The following MAGI1 variants were observed in gnomAD, a reference collection of about 807,000 sequenced individuals.
The protein encoded by MAGI1 is membrane associated guanylate kinase, WW and PDZ domain containing 1.
MAGI1 carries 58 observed loss-of-function variants against 139.9 expected under a neutral mutation model. The ratio of observed to expected loss-of-function variants is 0.41; its 90% CI spans 0.34 to 0.52. The LOEUF is 0.52. Among genes scored for constraint, MAGI1 ranks in the 20% least tolerant of loss-of-function variants. MAGI1 has a pLI of 0.12. For missense variants in MAGI1, 1,874 were observed against 1,901.6 expected (o/e 0.99, Z 0.27); for synonymous variants, 812 against 737.9 (o/e 1.10, Z -1.63).
intron 2 of MAGI1, among the ~76,000 whole-genome samples, chr3:65,620,988 A>G (rs1289746879): frequency 6.6e-6 from 1 of 151,364 alleles, no homozygotes; most frequent in Non-Finnish European, 1.5e-5. Context: ...ATCAGAAAAC[A>G]TTAGCACTCT....
chr3:65,712,790 C>T (rs528238218), intron 1 of MAGI1, among the ~76,000 whole-genome samples: 1 of 152,278 alleles, frequency 6.6e-6, no homozygotes, highest in East Asian at 1.9e-4. Context: ...TGTTTCAAGT[C>T]ACTATGTTTT....
chr3:65,742,239 A>G (rs2035335843), intron 1 of MAGI1, among the ~76,000 whole-genome samples: 1 of 152,190 alleles, frequency 6.6e-6, no homozygotes, highest in Non-Finnish European at 1.5e-5. Flanking sequence ...CTTTCAATGA[A>G]TCAGGTTCCC....
intron 1 of MAGI1, among the ~76,000 whole-genome samples, chr3:65,702,445 A>T (rs1335939203): frequency 6.6e-6 from 1 of 151,908 alleles, no homozygotes; most frequent in East Asian, 1.9e-4. Context: ...CAGAGGTGAC[A>T]CACACGACAG....
At chr3:65,965,944 C>T (rs1177955974) in intron 1 of MAGI1, among the ~76,000 whole-genome samples, 1 of 152,174 alleles carries the variant, frequency 6.6e-6, no homozygotes, top group Non-Finnish European at 1.5e-5. Flanking sequence ...TGAGCCATCA[C>T]GCCCCACCAG....
At chr3:65,663,215 T>C (rs777792371) in intron 1 of MAGI1, among the ~76,000 whole-genome samples, 3 of 152,260 alleles carry the variant, frequency 2.0e-5, no homozygotes, top group African/African-American at 7.2e-5. Context: ...ATGTTGGTTA[T>C]CTGTGCTTCT....
intron 12 of MAGI1, 111 bp downstream of exon 12, chr3:65,429,409 G>A (rs1410838322): frequency 8.5e-7 from 1 of 1,172,102 alleles, no homozygotes; most frequent in Non-Finnish European, 1.2e-6. Context: ...TAGGCATTTT[G>A]AAACATTTAA....
At chr3:65,980,742 G>A (rs1033200004) in intron 1 of MAGI1, among the ~76,000 whole-genome samples, 1 of 152,140 alleles carries the variant, frequency 6.6e-6, no homozygotes, top group Non-Finnish European at 1.5e-5. Flanking sequence ...TGGAATGCTC[G>A]CTTATTAGTG....
At chr3:65,956,712 T>A (rs1485812058) in intron 1 of MAGI1, among the ~76,000 whole-genome samples, 1 of 152,086 alleles carries the variant, frequency 6.6e-6, no homozygotes, top group African/African-American at 2.4e-5. Context: ...AATTACCTAT[T>A]GAAGGCAGGG....
rs775668792 is a variant in MAGI1 at position 65,622,005 on chromosome 3, T to C, written c.397A>G (p.Ile133Val). The C allele has an allele frequency of 1.9e-5, 31 of 1,613,680 alleles. No individual in the cohort carries two copies. Among genetic ancestry groups the C allele is most frequent in the Non-Finnish European group, 2.5e-5 (29 of 1,179,818 alleles). The change falls in exon 2 of 23, where the codon ATA becomes GTA. Residue 133 changes from isoleucine (I) to valine (V), a missense_variant. Physicochemically the swap from Ile to Val is conservative, Grantham distance 29. Around this residue, in one of 5 missense-constraint regions of MAGI1, gnomAD observed 648 missense variants for 598.1 expected, o/e 1.08. Coordinates refer to ENST00000402939, the MANE Select transcript of MAGI1 (RefSeq NM_001033057.2). ...GSPDHELQQT[I>V]RDNLYRHAVP... ...GCATGGCGGTAAAGGTTATCCCTTA[T>C]GGTCTGCTGGAGCTCATGATCAGGA...
intron 1 of MAGI1, among the ~76,000 whole-genome samples, chr3:66,007,941 G>A (rs950314373): frequency 2.9e-5 from 4 of 138,980 alleles, no homozygotes; most frequent in African/African-American, 1.1e-4. Context: ...CTGTCACCCT[G>A]GTTGGAATAC....
chr3:65,802,848 C>CTGTGTGTGTGTGTGTGTGTG (rs55814110), intron 1 of MAGI1, among the ~76,000 whole-genome samples: 16 of 138,220 alleles, frequency 1.2e-4, no homozygotes, highest in South Asian at 5.2e-4. Flanking sequence ...ATCATCTCAT[C>CTGTGTGTGTGTGTGTGTGTG]TGTGTGTGTG....
intron 1 of MAGI1, among the ~76,000 whole-genome samples, chr3:66,020,943 T>C (rs973021047): frequency 1.3e-5 from 2 of 152,044 alleles, no homozygotes; most frequent in African/African-American, 4.8e-5. Flanking sequence ...CATCGGTAAA[T>C]GTACCGATTA....
intron 1 of MAGI1, among the ~76,000 whole-genome samples, chr3:65,694,781 A>T (rs1576768607): frequency 6.6e-6 from 1 of 152,260 alleles, no homozygotes; most frequent in Non-Finnish European, 1.5e-5. Flanking sequence ...ATTTACTAAA[A>T]GGCAGAAATC....
intron 12 of MAGI1, among the ~76,000 whole-genome samples, chr3:65,412,396 T>C (rs1006062239): frequency 6.6e-6 from 1 of 152,224 alleles, no homozygotes; most frequent in Non-Finnish European, 1.5e-5. Context: ...TGACCCACTT[T>C]ATTCACACAA....
At chr3:65,542,272 A>ACACAAACAAATGGAAAAACATTCCATGCT (rs2079269974) in intron 2 of MAGI1, among the ~76,000 whole-genome samples, 2 of 152,238 alleles carry the variant, frequency 1.3e-5, no homozygotes, top group Non-Finnish European at 2.9e-5. Flanking sequence ...ATAAGTCAGG[A>ACACAAACAAATGGAAAAACATTCCATGCT]CACAAACAAA....
intron 1 of MAGI1, among the ~76,000 whole-genome samples, chr3:65,788,868 C>T (rs1370437612): frequency 2.0e-5 from 3 of 152,036 alleles, no homozygotes; most frequent in South Asian, 2.1e-4. Flanking sequence ...GCTCACACAA[C>T]AAACAAAAAA....
intron 1 of MAGI1, among the ~76,000 whole-genome samples, chr3:65,871,403 C>T (rs2059934889): frequency 6.6e-6 from 1 of 152,150 alleles, no homozygotes; most frequent in Non-Finnish European, 1.5e-5. Flanking sequence ...TGACTTGCTC[C>T]AGGATTGGGA....
chr3:65,457,482 A>C (rs992019733), intron 5 of MAGI1, among the ~76,000 whole-genome samples: 4 of 152,152 alleles, frequency 2.6e-5, no homozygotes, highest in African/African-American at 9.6e-5. Context: ...TTTATAAGGA[A>C]CTTCTTTGAC....
chr3:65,778,522 A>G (rs749256222), intron 1 of MAGI1, among the ~76,000 whole-genome samples: 6 of 152,120 alleles, frequency 3.9e-5, no homozygotes, highest in Admixed American at 1.3e-4. Flanking sequence ...AGCACATTCC[A>G]AGCCCCATAT....
Sources: allele counts gnomAD v4.1 joint callset (sites outside exome capture counted in the v4.1 genomes callset), GRCh38; gene constraint gnomAD v4.1.1; regional missense constraint gnomAD v4.1.1; transcripts MANE v1.5; gene names NCBI Gene and HGNC (gene_info 2026-07-23, HGNC 2026-07-21).